ENO4: variants seen among roughly 807,000 people sequenced by gnomAD.
ENO4 encodes the protein enolase 4.
ENO4 carries 53 observed loss-of-function variants against 63.2 expected under a neutral mutation model. The observed-to-expected ratio is 0.84, with a 90% confidence interval of 0.67 to 1.05. The LOEUF (loss-of-function observed/expected upper bound fraction) is 1.05, where lower values mean the gene tolerates loss of function less well. Ranked by LOEUF, ENO4 falls within the 50% of genes least tolerant of loss-of-function variation. The pLI is 0.00. For synonymous variants in ENO4, 266 were observed against 283.8 expected, an observed-to-expected ratio of 0.94 and a Z score of 0.63; for missense variants, 719 against 772.0, an observed-to-expected ratio of 0.93 and a Z score of 0.81.
intron 10 of ENO4, among the ~76,000 whole-genome samples, chr10:116,888,224 T>C (rs1024490826): frequency 6.6e-6 from 1 of 152,336 alleles, no homozygotes; most frequent in Non-Finnish European, 1.5e-5. Flanking sequence ...CCATCTACCT[T>C]GGCCAAGGAA....
intron 11 of ENO4, among the ~76,000 whole-genome samples, 183 bp downstream of exon 11, chr10:116,876,443 G>A (rs980523069): frequency 6.6e-6 from 1 of 152,216 alleles, no homozygotes; most frequent in Non-Finnish European, 1.5e-5. Context: ...CCTTCACTAC[G>A]TTCCACTAAC....
rs56000218 is a variant in ENO4, at chr10:116,875,561, TCACACACACA to T, written c.1342-487_1342-478del. ...GGTCTTGCCACATTGTCCAGGCTGG[TCACACACACA>T]CACACACACACACACATGCACATGT... On this transcript the variant is annotated intron_variant, in intron 10 of 13. Coordinates refer to ENST00000341276, the MANE Select transcript of ENO4 (RefSeq NM_001242699.2). 1.6e-4 allele frequency among the ~76,000 whole-genome samples: 24 copies of T among 148,012 alleles called. 1 individual carries two copies. The highest frequency in any genetic ancestry group is 4.5e-5 in the Non-Finnish European group (3 of 67,130).
At chr10:116,891,236 T>C (rs1847334599) in intron 10 of ENO4, among the ~76,000 whole-genome samples, 1 of 152,252 alleles carries the variant, frequency 6.6e-6, no homozygotes, top group East Asian at 1.9e-4. Flanking sequence ...GAAAAGCTGA[T>C]TGCCAAACAG....
intron 10 of ENO4, 150 bp downstream of exon 10, chr10:116,874,351 G>T: frequency 2.3e-6 from 2 of 871,388 alleles, no homozygotes; most frequent in South Asian, 6.3e-5. Flanking sequence ...CATTCAAAAT[G>T]TGTTGTAATT....
intron 10 of ENO4, among the ~76,000 whole-genome samples, chr10:116,905,208 CAAAAAAA>C (rs772309175): frequency 1.6e-5 from 1 of 63,424 alleles, no homozygotes; most frequent in African/African-American, 4.9e-5. Flanking sequence ...GACTCCGTCT[CAAAAAAA>C]AAAAAAAAAA....
chr10:116,854,212 C>T (rs548092832), intron 1 of ENO4, among the ~76,000 whole-genome samples: 24 of 152,230 alleles, frequency 1.6e-4, no homozygotes, highest in Non-Finnish European at 2.5e-4. Context: ...AAGATACAGC[C>T]GTCACGTAAG....
At chr10:116,894,034 CAAT>C (rs1217270876) in intron 10 of ENO4, among the ~76,000 whole-genome samples, 1 of 143,556 alleles carries the variant, frequency 7.0e-6, no homozygotes, top group Admixed American at 7.0e-5. Context: ...AGAGGTCAAA[CAAT>C]GATAAAAATC....
intron 11 of ENO4, 129 bp downstream of exon 11, chr10:116,876,389 G>C: frequency 2.5e-6 from 2 of 803,692 alleles, no homozygotes; most frequent in East Asian, 2.8e-5. Context: ...CCAACCATTT[G>C]TGAGAGATTT....
chr10:116,885,608 C>G (rs1011505557), downstream of ENO4: 2 of 152,520 alleles, frequency 1.3e-5, no homozygotes, highest in African/African-American at 4.8e-5. Context: ...TAACTCATAG[C>G]ACAGAGCACA....
intron 10 of ENO4, among the ~76,000 whole-genome samples, chr10:116,895,095 A>G (rs954309381): frequency 6.6e-6 from 1 of 152,110 alleles, no homozygotes; most frequent in Non-Finnish European, 1.5e-5. Context: ...ACAATAATAA[A>G]ATGTATTTGG....
chr10:116,890,832 A>G (rs1199041347), intron 10 of ENO4, among the ~76,000 whole-genome samples: 4 of 152,248 alleles, frequency 2.6e-5, no homozygotes, highest in Non-Finnish European at 5.9e-5. Context: ...TGGCCATGCC[A>G]ACGCTGAACT....
Position 116,881,726 on chromosome 10 carries a change from TGA to T in ENO4, c.*58_*59del. On this transcript the variant is annotated 3_prime_UTR_variant, in exon 14 of 14. Coordinates refer to ENST00000341276, the MANE Select transcript of ENO4 (RefSeq NM_001242699.2). The stretch of plus-strand genomic sequence containing the variant: ...ATCAGTATTAGTAGACCGGGAGGTC[TGA>T]AGTACGGCGCCGTGTCTCCACATGG... 7.6e-7 allele frequency: 1 copy of T among 1,308,786 alleles called. No individual in the cohort carries two copies. Among genetic ancestry groups the T allele is most frequent in the Non-Finnish European group, 9.9e-7 (1 of 1,010,578 alleles). 81.1% of individuals were successfully genotyped at this position (1,308,786 alleles called of 1,614,324 possible). A position where few individuals can be genotyped will look rare whatever the true frequency, so the allele number is the denominator to read the frequency against.
chr10:116,856,752 A>C (rs1846270913), intron 3 of ENO4, 70 bp downstream of exon 3: 1 of 1,333,696 alleles, frequency 7.5e-7, no homozygotes, highest in Admixed American at 2.9e-5. Context: ...CTGTAATCCC[A>C]GCACTTTGGG....
intron 1 of ENO4, chr10:116,850,181 G>GCCTATTCTGGGGCCTCAT (rs1189535469): frequency 2.0e-5 from 5 of 243,978 alleles, no homozygotes; most frequent in African/African-American, 1.2e-4. Context: ...CTTGGCTTCA[G>GCCTATTCTGGGGCCTCAT]CCTATTCTGG....
exon 11 of ENO4, chr10:116,911,657 T>C (rs1848203656): frequency 6.4e-7 from 1 of 1,569,356 alleles, no homozygotes; most frequent in Non-Finnish European, 8.7e-7. Context: ...CACGATCAAA[T>C]AAACTGGCCA....
At chr10:116,872,560 C>T (rs1307443787) in intron 9 of ENO4, among the ~76,000 whole-genome samples, 2 of 152,172 alleles carry the variant, frequency 1.3e-5, no homozygotes, top group Admixed American at 6.5e-5. Flanking sequence ...TACCTTCCAC[C>T]ATGATTGTGT....
At chr10:116,873,947 C>T (rs1465177904) in intron 9 of ENO4, 129 bp from the exon 10 acceptor site, 8 of 1,315,196 alleles carry the variant, frequency 6.1e-6, no homozygotes, top group Admixed American at 5.8e-5. Flanking sequence ...CTCAGGTCAA[C>T]GTGCCCTGAA....
chr10:116,902,926 C>T (rs1215569606), intron 10 of ENO4, among the ~76,000 whole-genome samples: 1 of 152,096 alleles, frequency 6.6e-6, no homozygotes, highest in Non-Finnish European at 1.5e-5. Flanking sequence ...TAATCCCTGA[C>T]CATTGGTATT....
At chr10:116,864,467 CT>C (rs1846500884) in intron 7 of ENO4, 1 of 151,332 alleles carries the variant, frequency 6.6e-6, no homozygotes, top group Non-Finnish European at 1.5e-5. Context: ...AAGAATGAAA[CT>C]CCGTCTCAAA....
Sources: allele counts gnomAD v4.1 joint callset (sites outside exome capture counted in the v4.1 genomes callset), GRCh38; gene constraint gnomAD v4.1.1; transcripts MANE v1.5; gene names NCBI Gene and HGNC (gene_info 2026-07-23, HGNC 2026-07-21).